The following DRAXIN variants were observed in gnomAD, a reference collection of about 807,000 sequenced individuals.
The protein encoded by DRAXIN is dorsal repulsive axon guidance protein.
In DRAXIN, 27 loss-of-function variants were observed where a neutral mutation model predicts 33.9. The observed-to-expected ratio is 0.80, with a 90% CI of 0.59 to 1.10. DRAXIN has a LOEUF of 1.10. Among genes scored for constraint, DRAXIN ranks in the 50% least tolerant of loss-of-function variants. DRAXIN has a pLI of 0.00. For synonymous variants in DRAXIN, 178 were observed against 194.0 expected, an observed-to-expected ratio of 0.92 and a Z score of 0.69; for missense variants, 371 against 460.8, an observed-to-expected ratio of 0.81 and a Z score of 1.78.
chr1:11,690,348 C>A (rs1557683656), upstream of DRAXIN, among the ~76,000 whole-genome samples: 1 of 152,138 alleles, frequency 6.6e-6, no homozygotes, highest in Non-Finnish European at 1.5e-5. The surrounding 1 kb of genome is among the most constrained non-coding windows in gnomAD (Gnocchi z 4.2). Flanking sequence ...TCCTGGTGCC[C>A]ACCAAGCTAA....
Position 11,715,163 on chromosome 1 carries a change from C to G in DRAXIN, c.892C>G (p.Arg298Gly). The G allele has an allele frequency of 6.2e-7, 1 of 1,614,240 alleles. No homozygotes were observed. The highest frequency in any genetic ancestry group is 1.7e-5 in the Admixed American group (1 of 60,022). Residue 298 changes from arginine (R) to glycine (G), a missense_variant, in exon 6 of 7, where the codon CGA becomes GGA. Arg to Gly is a moderately radical substitution (Grantham distance 125). Transcript: ENST00000294485. ...GGAGCATCTCTGCACACCCCACAAC[C>G]GAGGCCTCAACAACAAATGCTTCGA... is the stretch of plus-strand genomic sequence containing the variant. ...LREHLCTPHNRGLNNKCFDDC... is the reference protein window; with the variant it reads ...LREHLCTPHNGGLNNKCFDDC...
intron 1 of DRAXIN, among the ~76,000 whole-genome samples, chr1:11,702,828 C>T (rs1305842072): frequency 4.0e-5 from 6 of 151,750 alleles, no homozygotes; most frequent in South Asian, 4.2e-4. Context: ...CTGCAACTTC[C>T]GCCTCCAAGT....
intron 1 of DRAXIN, among the ~76,000 whole-genome samples, chr1:11,701,223 G>A (rs1641269234): frequency 6.6e-6 from 1 of 152,220 alleles, no homozygotes; most frequent in Non-Finnish European, 1.5e-5. Context: ...CTGCGTGAGG[G>A]AGGCAGGTGG....
At position 11,692,017 on chromosome 1, in the gene DRAXIN, T is replaced by TCCGCCAGTCCTTCCG. The variant is rs1553169186; in HGVS notation, c.-11+170_-11+184dup. Among the ~76,000 whole-genome samples, 1 of 151,800 alleles carries TCCGCCAGTCCTTCCG rather than the reference T, an allele frequency of 6.6e-6. No homozygotes were observed. The highest frequency in any genetic ancestry group is 2.4e-5 in the African/African-American group (1 of 41,316). Reference sequence around the variant, plus strand: ...CCTTCCCAGCCCTCGGACCCGTCTATCCGCCAGTCCTTCCGCCGCCTCCTC... The same window carrying TCCGCCAGTCCTTCCG: ...CCTTCCCAGCCCTCGGACCCGTCTATCCGCCAGTCCTTCCGCCGCCAGTCCTTCCGCCGCCTCCTC... On this transcript the variant is annotated intron_variant, in intron 1 of 6. Transcript: ENST00000294485. The surrounding 1 kb of genome is among the most constrained non-coding windows in gnomAD (Gnocchi z 5.8).
intron 4 of DRAXIN, among the ~76,000 whole-genome samples, 175 bp from the exon 5 acceptor site, chr1:11,712,165 C>G (rs146727035): frequency 6.6e-6 from 1 of 152,140 alleles, no homozygotes; most frequent in African/African-American, 2.4e-5. Flanking sequence ...ACGTGCCACA[C>G]GCTTCCATGT....
At chr1:11,691,586 G>C (rs1392065054), upstream of DRAXIN, 1 of 151,340 alleles carries the variant, frequency 6.6e-6, no homozygotes, top group Non-Finnish European at 1.5e-5. Flanking sequence ...GGTGCGCGCC[G>C]GGCCCGGCCC....
chr1:11,721,185 G>C lies in DRAXIN; in HGVS notation c.*1489G>C, dbSNP rs1457798479. 2.0e-5 allele frequency: 3 copies of C among 152,142 alleles called. No homozygotes were observed. The highest frequency in any genetic ancestry group is 7.2e-5 in the African/African-American group (3 of 41,420). The allele number at this position is 152,142 out of a possible 1,614,324, so 9.4% of individuals were successfully genotyped here. A position where few individuals can be genotyped will look rare whatever the true frequency, so the allele number is the denominator to read the frequency against. On this transcript the variant is annotated 3_prime_UTR_variant, in exon 7 of 7. Coordinates refer to ENST00000294485, the MANE Select transcript of DRAXIN (RefSeq NM_198545.4). Reference sequence around the variant, plus strand: ...GTTTACCCACTTTGCATACTGTTTAGTGATTTCCAGGACCACAAAACCATC... The same window carrying C: ...GTTTACCCACTTTGCATACTGTTTACTGATTTCCAGGACCACAAAACCATC...
Position 11,719,610 on chromosome 1 carries a change from C to T in DRAXIN, c.964C>T (p.Arg322Trp), listed in dbSNP as rs757607940. 6.2e-7 allele frequency: 1 copy of T among 1,613,594 alleles called. No homozygotes were observed. Among genetic ancestry groups the T allele is most frequent in the South Asian group, 1.1e-5 (1 of 91,012 alleles). The change falls in exon 7 of 7, where the codon CGG (arginine) becomes TGG (tryptophan). Residue 322 changes from arginine to tryptophan, a missense_variant. Physicochemically the swap from Arg to Trp is moderately radical, Grantham distance 101 (BLOSUM62 -3). Transcript: ENST00000294485. Reference sequence around the variant, plus strand: ...GCTGCGCTGCTATGCCAAATTCCACCGGAACCGCAGGGTTACACGGAGGAA... The same window carrying T: ...GCTGCGCTGCTATGCCAAATTCCACTGGAACCGCAGGGTTACACGGAGGAA... ...EGLRCYAKFH[R>W]NRRVTRRKGR...
intron 6 of DRAXIN, 24 bp downstream of exon 6, chr1:11,715,232 G>GA: frequency 6.2e-7 from 1 of 1,613,972 alleles, no homozygotes; most frequent in Non-Finnish European, 8.5e-7. Context: ...CCTTTGCGGG[G>GA]GGCTACCCAT....
intron 6 of DRAXIN, among the ~76,000 whole-genome samples, chr1:11,719,281 T>G (rs1400786324): frequency 6.6e-6 from 1 of 152,210 alleles, no homozygotes; most frequent in Non-Finnish European, 1.5e-5. Flanking sequence ...TAAGTTATAG[T>G]TCACTGTGCG....
In DRAXIN at chr1:11,719,634, A is replaced by G. The variant is rs2100745782; in HGVS notation, c.988A>G (p.Lys330Glu). ...FHRNRRVTRR[K>E]GRCVEPETAN... ...CCGGAACCGCAGGGTTACACGGAGGAAAGGGCGCTGTGTGGAGCCCGAGAC... is the reference window on the plus strand; with the variant it reads ...CCGGAACCGCAGGGTTACACGGAGGGAAGGGCGCTGTGTGGAGCCCGAGAC... Residue 330 changes from lysine to glutamate, a missense_variant, in exon 7 of 7, where the codon AAA becomes GAA. Physicochemically the swap from Lys to Glu is moderately conservative, Grantham distance 56 (BLOSUM62 1). Transcript: ENST00000294485. 1 of 1,614,098 alleles carries G rather than the reference A, an allele frequency of 6.2e-7. No homozygotes were observed. Among genetic ancestry groups the G allele is most frequent in the South Asian group, 1.1e-5 (1 of 91,068 alleles).
chr1:11,701,073 C>T (rs1002415033), intron 1 of DRAXIN, among the ~76,000 whole-genome samples: 3 of 152,210 alleles, frequency 2.0e-5, no homozygotes, highest in Non-Finnish European at 4.4e-5. Context: ...TCCAACTCTC[C>T]CCTAGGATGG....
chr1:11,712,166 G>T (rs12093081), intron 4 of DRAXIN, among the ~76,000 whole-genome samples, 174 bp from the exon 5 acceptor site: 2,942 of 152,186 alleles, frequency 0.019, 72 homozygotes, highest in African/African-American at 0.054. Flanking sequence ...CGTGCCACAC[G>T]CTTCCATGTT....
intron 3 of DRAXIN, among the ~76,000 whole-genome samples, chr1:11,710,747 T>C (rs1269548241): frequency 3.1e-5 from 4 of 128,058 alleles, no homozygotes; most frequent in South Asian, 2.3e-4. Context: ...ACCCCATCTC[T>C]ACTAAAAATA....
intron 1 of DRAXIN, among the ~76,000 whole-genome samples, chr1:11,693,647 C>G (rs2100727837): frequency 6.6e-6 from 1 of 152,306 alleles, no homozygotes; most frequent in South Asian, 2.1e-4. Context: ...CATCCCCCAT[C>G]CAGGCTCCTG....
At chr1:11,717,945 G>A (rs1376123605) in intron 6 of DRAXIN, among the ~76,000 whole-genome samples, 4 of 139,110 alleles carry the variant, frequency 2.9e-5, no homozygotes, top group Non-Finnish European at 4.6e-5. Context: ...GCAGTGAGCC[G>A]AGATCTTGCC....
Position 11,711,801 on chromosome 1 carries a change from G to A in DRAXIN, c.643-50G>A, listed in dbSNP as rs749267250. On this transcript the variant is annotated intron_variant, in intron 3 of 6. Transcript: ENST00000294485. ...TCTGACCTTGGGACTCCACACTCCT[G>A]CTTCCATGGATTTGAAGGTTCCAAC... The A allele has an allele frequency of 9.1e-6, 14 of 1,542,092 alleles. No individual in the cohort carries two copies. The South Asian group carries it at 1.3e-4, about 14-fold the overall frequency.
intron 2 of DRAXIN, among the ~76,000 whole-genome samples, chr1:11,708,809 C>T (rs1231845682): frequency 1.3e-5 from 2 of 152,128 alleles, no homozygotes; most frequent in Admixed American, 6.5e-5. Context: ...TAATTGTCAC[C>T]ACACAGGATG....
intron 6 of DRAXIN, among the ~76,000 whole-genome samples, chr1:11,715,719 G>T (rs1641567170): frequency 6.6e-6 from 1 of 152,132 alleles, no homozygotes; most frequent in African/African-American, 2.4e-5. Flanking sequence ...TAAGTGTGCT[G>T]GGCTCTGTGC....
Sources: gnomAD v4.1 joint callset for allele counts (sites outside exome capture counted in the v4.1 genomes callset) on GRCh38, gnomAD v4.1.1 for gene constraint, Gnocchi (gnomAD v3.1) non-coding constraint, MANE v1.5 for transcripts, NCBI Gene and HGNC (gene_info 2026-07-23, HGNC 2026-07-21) for gene names.